The following FN1 variants were observed in gnomAD, a reference collection of about 807,000 sequenced individuals.
The protein encoded by FN1 is fibronectin.
A neutral mutation model predicts 297.3 loss-of-function variants in FN1; 106 were observed. The ratio of observed to expected loss-of-function variants is 0.36; its 90% CI spans 0.30 to 0.42. The LOEUF is 0.42. Among genes scored for constraint, FN1 ranks in the 10% least tolerant of loss-of-function variants. The probability of loss-of-function intolerance (pLI) is 1.00; values close to 1 mark genes in which losing one functional copy is unlikely to be tolerated. For missense variants in FN1, 2,690 were observed against 3,124.9 expected, an observed-to-expected ratio of 0.86 and a Z score of 3.32; for synonymous variants, 1,149 against 1,152.6, an observed-to-expected ratio of 1.00 and a Z score of 0.06.
At chr2:215,384,559 AGAG>A (rs1254467712) in intron 29 of FN1, 1 of 394,012 alleles carries the variant, frequency 2.5e-6, no homozygotes, top group Non-Finnish European at 4.6e-6. Context: ...AGAAAAGTAA[AGAG>A]AAGAAAAAAT....
At chr2:215,381,226 A>C in intron 32 of FN1, 146 bp from the exon 33 acceptor site, 2 of 766,364 alleles carry the variant, frequency 2.6e-6, no homozygotes, top group East Asian at 5.2e-5. Context: ...TCACTTAAAC[A>C]CTTGCTTAAT....
intron 31 of FN1, among the ~76,000 whole-genome samples, chr2:215,382,540 G>T (rs1010696789): frequency 2.6e-5 from 4 of 152,136 alleles, no homozygotes; most frequent in South Asian, 2.1e-4. Context: ...CACACTCAAG[G>T]ATAAGATCTA....
At chr2:215,408,227 T>A (rs780367570) in intron 16 of FN1, 30 bp from the exon 17 acceptor site, 1 of 1,613,086 alleles carries the variant, frequency 6.2e-7, no homozygotes, top group Non-Finnish European at 8.5e-7. Flanking sequence ...GGGCAAACAG[T>A]CAGGAAGTGC....
intron 43 of FN1, among the ~76,000 whole-genome samples, chr2:215,365,236 A>G (rs1278393664): frequency 6.6e-6 from 1 of 152,218 alleles, no homozygotes; most frequent in Non-Finnish European, 1.5e-5. Context: ...GAATCTACAG[A>G]CCAATAAAGC....
chr2:215,365,096 A>G (rs2054265775), intron 43 of FN1, 111 bp from the exon 44 acceptor site: 1 of 746,640 alleles, frequency 1.3e-6, no homozygotes, highest in Non-Finnish European at 2.4e-6. Context: ...CAGCGCAAAC[A>G]CCACATATTT....
intron 20 of FN1, among the ~76,000 whole-genome samples, chr2:215,401,239 A>AAGGAAGGAAGGAAGGAAGGAAGG (rs1559475259): frequency 2.7e-4 from 18 of 65,672 alleles, no homozygotes; most frequent in Admixed American, 8.0e-4. Context: ...AGAAAGAAAG[A>AAGGAAGGAAGGAAGGAAGGAAGG]AAGAAAGAAA....
intron 42 of FN1, among the ~76,000 whole-genome samples, chr2:215,367,401 A>C (rs1411202534): frequency 6.6e-6 from 1 of 152,174 alleles, no homozygotes. Flanking sequence ...TGTGTGACGC[A>C]AAAGTGTGTG....
intron 33 of FN1, 57 bp from the exon 34 acceptor site, chr2:215,379,374 A>G: frequency 1.3e-6 from 2 of 1,505,234 alleles, no homozygotes; most frequent in Non-Finnish European, 1.8e-6. Flanking sequence ...GAAAAGGAAA[A>G]TAAAGTGAGT....
Position 215,393,092 on chromosome 2 carries a change from A to T in FN1, c.3908T>A (p.Val1303Asp), listed in dbSNP as rs200561534. The change falls in exon 25 of 46, where the codon GTT becomes GAT. Residue 1303 changes from valine (V) to aspartate (D), a missense_variant. Physicochemically the swap from Val to Asp is radical, Grantham distance 152. This residue lies in a region of FN1 where 1,743 missense variants were observed against 1,945.2 expected (regional missense o/e 0.90). Coordinates refer to ENST00000354785, the MANE Select transcript of FN1 (RefSeq NM_212482.4). ...AATAGGGATACCTTCTCCTGCCGCA[A>T]CTACTGTGATGCGGTACCCAATAAT... ...STIIGYRITV[V>D]AAGEGIPIFE... 1 of 1,614,046 alleles carries T rather than the reference A, an allele frequency of 6.2e-7. No individual in the cohort carries two copies. The highest frequency in any genetic ancestry group is 8.5e-7 in the Non-Finnish European group (1 of 1,179,994).
intron 19 of FN1, among the ~76,000 whole-genome samples, chr2:215,405,165 C>T (rs532563521): frequency 2.0e-5 from 3 of 152,274 alleles, no homozygotes; most frequent in South Asian, 2.1e-4. Context: ...GTAATGATAA[C>T]GTATCCTCAG....
intron 6 of FN1, among the ~76,000 whole-genome samples, chr2:215,427,977 A>G (rs2065794222): frequency 6.6e-6 from 1 of 152,086 alleles, no homozygotes; most frequent in Admixed American, 6.6e-5. Flanking sequence ...GTTTATTTGT[A>G]TGTCATTTTT....
intron 21 of FN1, among the ~76,000 whole-genome samples, chr2:215,398,234 A>C (rs2060543473): frequency 1.3e-5 from 2 of 152,236 alleles, no homozygotes. Context: ...AGTTATTCAC[A>C]TTCAATTAAC....
chr2:215,409,797 C>T, intron 14 of FN1, 58 bp from the exon 15 acceptor site: 1 of 1,602,862 alleles, frequency 6.2e-7, no homozygotes, highest in Non-Finnish European at 8.5e-7. Context: ...ATTTACCGTC[C>T]TCGTCGCCAA....
Position 215,380,834 on chromosome 2 carries a change from G to T in FN1, c.5411C>A (p.Pro1804His). ...ACCTGTGGACTGGGTTCCAATCAGGGGCTGGCTCTCCATATCATCGTGCAA... is the reference window on the plus strand; with the variant it reads ...ACCTGTGGACTGGGTTCCAATCAGGTGCTGGCTCTCCATATCATCGTGCAA... ...VALHDDMESQPLIGTQSTAIP... is the reference protein window; with the variant it reads ...VALHDDMESQHLIGTQSTAIP... Residue 1804 changes from proline to histidine, a missense_variant, in exon 33 of 46, where the codon CCC becomes CAC. Physicochemically the swap from Pro to His is moderately conservative, Grantham distance 77 (BLOSUM62 -2). This residue lies in a region of FN1 where 1,743 missense variants were observed against 1,945.2 expected (regional missense o/e 0.90). Transcript: ENST00000354785. 6.2e-7 allele frequency: 1 copy of T among 1,613,406 alleles called. No individual in the cohort carries two copies. The highest frequency in any genetic ancestry group is 8.5e-7 in the Non-Finnish European group (1 of 1,179,978).
chr2:215,382,237 C>A lies in FN1; in HGVS notation c.5139G>T (p.Gln1713His), dbSNP rs1186182399. 6.2e-7 allele frequency: 1 copy of A among 1,613,434 alleles called. No individual in the cohort carries two copies. Among genetic ancestry groups the A allele is most frequent in the Admixed American group, 1.7e-5 (1 of 60,020 alleles). ...TGGTTACTGCAGTCTGAACCAGAGG[C>A]TGACTCTCTCCGCTTGGATTCTGAG... ...VYAQNPSGES[Q>H]PLVQTAVTNI... The change falls in exon 32 of 46, where the codon CAG becomes CAT. Residue 1713 changes from glutamine to histidine, a missense_variant. By Grantham distance (24) the Gln-to-His change is conservative. Transcript: ENST00000354785.
chr2:215,388,363 G>T, intron 26 of FN1, 62 bp from the exon 27 acceptor site: 1 of 1,155,658 alleles, frequency 8.7e-7, no homozygotes, highest in Non-Finnish European at 1.3e-6. Context: ...ACTAAAGCAC[G>T]CCCAGGACTA....
chr2:215,370,655 CA>C lies in FN1; in HGVS notation c.6715-224del, dbSNP rs2055812468. On this transcript the variant is annotated intron_variant, in intron 40 of 45. Transcript: ENST00000354785. Reference sequence around the variant, plus strand: ...CGTTCCTGCCAGATTTTCCTGCCAACAATCTACCTACGTGCTCCGTAGTTAA... The same window carrying C: ...CGTTCCTGCCAGATTTTCCTGCCAACATCTACCTACGTGCTCCGTAGTTAA... 8.5e-5 allele frequency: 46 copies of C among 542,624 alleles called. 2 individuals are homozygous for C. In the South Asian group the frequency reaches 9.1e-4, roughly 11 times the overall value. The allele number at this position is 542,624 out of a possible 1,614,324, so 33.6% of individuals were successfully genotyped here.
intron 11 of FN1, among the ~76,000 whole-genome samples, chr2:215,420,347 A>G (rs923695667): frequency 4.0e-4 from 24 of 59,950 alleles, no homozygotes; most frequent in Non-Finnish European, 1.0e-3. Context: ...TCAAAAAAAC[A>G]AAAACAAAAA....
rs775493935 is a variant in FN1 at position 215,422,174 on chromosome 2, T to A, written c.1463A>T (p.His488Leu). ...YRIGDQWDKQHDMGHMMRCTC... is the reference protein window; with the variant it reads ...YRIGDQWDKQLDMGHMMRCTC... ...GCACCTCATCATGTGACCCATGTCA[T>A]GCTGCTTATCCCACTGATCTCCAAT... Residue 488 changes from histidine (H) to leucine (L), a missense_variant, in exon 10 of 46, where the codon CAT (histidine) becomes CTT (leucine). This residue lies in a region of FN1 where 876 missense variants were observed against 1,058.1 expected (regional missense o/e 0.83). Transcript: ENST00000354785. 1.2e-6 allele frequency: 2 copies of A among 1,614,164 alleles called. No individual in the cohort carries two copies. Among genetic ancestry groups the A allele is most frequent in the Non-Finnish European group, 1.7e-6 (2 of 1,179,958 alleles).
Sources: allele counts gnomAD v4.1 joint callset (sites outside exome capture counted in the v4.1 genomes callset), GRCh38; gene constraint gnomAD v4.1.1; regional missense constraint gnomAD v4.1.1; transcripts MANE v1.5; gene names NCBI Gene and HGNC (gene_info 2026-07-23, HGNC 2026-07-21).